ALDOC: variants seen among roughly 807,000 people sequenced by gnomAD.
ALDOC encodes the protein aldolase, fructose-bisphosphate C, also known as fructose-bisphosphate aldolase C.
In ALDOC, 23 loss-of-function variants were observed where a neutral mutation model predicts 39.5. That is an observed-to-expected ratio of 0.58 (90% CI 0.42 to 0.82). The LOEUF (loss-of-function observed/expected upper bound fraction) is 0.82. Among genes scored for constraint, ALDOC ranks in the 40% least tolerant of loss-of-function variants. ALDOC has a pLI of 0.00. For synonymous variants in ALDOC, 160 were observed against 182.6 expected (o/e 0.88, Z 1.00); for missense variants, 356 against 479.1 (o/e 0.74, Z 2.40).
At chr17:28,576,249 G>A (rs1193783890) in intron 1 of ALDOC, 3 of 152,764 alleles carry the variant, frequency 2.0e-5, no homozygotes, top group African/African-American at 4.8e-5. Flanking sequence ...TGACACCTCC[G>A]GGTCATCTCT....
chr17:28,574,359 C>T (rs1263418797), intron 6 of ALDOC, 118 bp from the exon 7 acceptor site: 1 of 1,428,386 alleles, frequency 7.0e-7, no homozygotes, highest in Middle Eastern at 2.1e-4. Flanking sequence ...AGGCTCAGAT[C>T]ACAGGCCTGT....
At position 28,575,477 on chromosome 17, in the gene ALDOC, A is replaced by G. The variant is rs754643217; in HGVS notation, c.56T>C (p.Ile19Thr). ...SAEQKKELSDIALRIVAPGKG... is the reference protein window; with the variant it reads ...SAEQKKELSDTALRIVAPGKG... ...GCCCGGGGCTACAATCCGCAGGGCA[A>G]TGTCAGACAACTCCTTCTTCTGCTC... Residue 19 changes from isoleucine to threonine, a missense_variant, in exon 2 of 9, where the codon ATT becomes ACT. Ile to Thr is a moderately conservative substitution (Grantham distance 89). Transcript: ENST00000226253. This position sits in a 1 kb window ranked among gnomAD's most constrained non-coding sequence, Gnocchi z 4.3. 2 of 1,614,120 alleles carry G rather than the reference A, an allele frequency of 1.2e-6. No homozygotes were observed. Among genetic ancestry groups the G allele is most frequent in the East Asian group, 2.2e-5 (1 of 44,900 alleles).
Position 28,575,507 on chromosome 17 carries a change from G to A in ALDOC, c.26C>T (p.Ser9Phe). The change falls in exon 2 of 9, where the codon TCT becomes TTT. Residue 9 changes from serine (S) to phenylalanine (F), a missense_variant. By Grantham distance (155) the Ser-to-Phe change is radical. Transcript: ENST00000226253. This position sits in a 1 kb window ranked among gnomAD's most constrained non-coding sequence, Gnocchi z 4.3. MPHSYPALSAEQKKELSDI... is the reference protein window; with the variant it reads MPHSYPALFAEQKKELSDI... ...AGACAACTCCTTCTTCTGCTCAGCA[G>A]AAAGGGCTGGGTACGAGTGAGGCAT... 6.2e-7 allele frequency: 1 copy of A among 1,614,198 alleles called. No individual in the cohort carries two copies. The highest frequency in any genetic ancestry group is 1.1e-5 in the South Asian group (1 of 91,086).
In ALDOC at chr17:28,574,741, C is replaced by G. The variant is rs1158852750; in HGVS notation, c.495G>C (p.Leu165=). The change falls in exon 5 of 9, where the codon CTG becomes CTC. Residue 165 remains leucine, a synonymous_variant. Transcript: ENST00000226253. ...SERTPSALAI[L]ENANVLARYA... ...AACGGGCCAGCACGTTGGCGTTCTC[C>G]AGAATGGCAAGTGCAGAGGGTGTAC... 6.2e-6 allele frequency: 10 copies of G among 1,614,210 alleles called. No homozygotes were observed. The highest frequency in any genetic ancestry group is 8.5e-6 in the Non-Finnish European group (10 of 1,180,028).
chr17:28,575,136 A>T lies in ALDOC; in HGVS notation c.311T>A (p.Val104Asp). 1 of 1,614,146 alleles carries T rather than the reference A, an allele frequency of 6.2e-7. No individual in the cohort carries two copies. Among genetic ancestry groups the T allele is most frequent in the African/African-American group, 1.3e-5 (1 of 75,030 alleles). ...FVRTIQDKGI[V>D]VGIKVDKGVV... ...CAGGGGCTGCACCTTGATGCCCACG[A>T]CGATGCCCTTATCCTGGATGGTTCG... The change falls in exon 3 of 9, where the codon GTC becomes GAC. Residue 104 changes from valine to aspartate, a missense_variant. Physicochemically the swap from Val to Asp is radical, Grantham distance 152. Transcript: ENST00000226253. The surrounding 1 kb of genome is among the most constrained non-coding windows in gnomAD (Gnocchi z 4.3).
In ALDOC at chr17:28,575,798, G is replaced by T; in HGVS notation, c.-12-254C>A. 1 of 598,104 alleles carries T rather than the reference G, an allele frequency of 1.7e-6. No homozygotes were observed. Among genetic ancestry groups the T allele is most frequent in the Non-Finnish European group, 2.7e-6 (1 of 371,250 alleles). The allele number at this position is 598,104 out of a possible 1,614,324, so 37.0% of individuals were successfully genotyped here. On this transcript the variant is annotated intron_variant, in intron 1 of 8. Transcript: ENST00000226253. The surrounding 1 kb of genome is among the most constrained non-coding windows in gnomAD (Gnocchi z 4.3). ...AAAGATGCAGGGTGGGGGTGGGGAG[G>T]TGAGCAGCCCTGAAGCCACAGCTCT... is the stretch of plus-strand genomic sequence containing the variant.
chr17:28,573,429 G>T lies in ALDOC; in HGVS notation c.*97C>A. 9.4e-7 allele frequency: 1 copy of T among 1,064,036 alleles called. No homozygotes were observed. 65.9% of individuals were successfully genotyped at this position (1,064,036 alleles called of 1,614,324 possible). A position where few individuals can be genotyped will look rare whatever the true frequency, so the allele number is the denominator to read the frequency against. On this transcript the variant is annotated 3_prime_UTR_variant, in exon 9 of 9. Coordinates refer to ENST00000226253, the MANE Select transcript of ALDOC (RefSeq NM_005165.3). The surrounding 1 kb of genome is among the most constrained non-coding windows in gnomAD (Gnocchi z 4.3). ...GAAGACAAGTTGGTGCCAGGTGAAG[G>T]CATCTCTGCTCTGCATAGCTATTTG... is the stretch of plus-strand genomic sequence containing the variant.
chr17:28,573,737 C>T lies in ALDOC; in HGVS notation c.997G>A (p.Glu333Lys), dbSNP rs1285415138. Reference sequence around the variant, plus strand: ...CACCACCACCTGTAGCTCCCAACCTCAGCCCGCTTGATGAACTCCTCAGTG... The same window carrying T: ...CACCACCACCTGTAGCTCCCAACCTTAGCCCGCTTGATGAACTCCTCAGTG... Reference protein sequence around the residue: ...AATEEFIKRAEVNGLAAQGKY... With the variant: ...AATEEFIKRAKVNGLAAQGKY... The change falls in exon 8 of 9, where the codon GAG becomes AAG. Residue 333 changes from glutamate (E) to lysine (K), a missense_variant and splice_region_variant. Coordinates refer to ENST00000226253, the MANE Select transcript of ALDOC (RefSeq NM_005165.3). This position sits in a 1 kb window ranked among gnomAD's most constrained non-coding sequence, Gnocchi z 4.3. 1.9e-6 allele frequency: 3 copies of T among 1,614,074 alleles called. No individual in the cohort carries two copies. The African/African-American group carries it at 4.0e-5, about 22-fold the overall frequency.
In ALDOC at chr17:28,575,644, C is replaced by G. The variant is rs549112871; in HGVS notation, c.-12-100G>C. The G allele has an allele frequency of 4.2e-6, 6 of 1,416,046 alleles. No homozygotes were observed. The African/African-American group carries it at 8.6e-5, about 20-fold the overall frequency. 87.7% of individuals were successfully genotyped at this position (1,416,046 alleles called of 1,614,324 possible). ...TCCCCATCAAGCAAGGGGCTGGGAACAGGGCAGCAGTCCTTGGCATGAGTC... is the reference window on the plus strand; with the variant it reads ...TCCCCATCAAGCAAGGGGCTGGGAAGAGGGCAGCAGTCCTTGGCATGAGTC... On this transcript the variant is annotated intron_variant, in intron 1 of 8. Coordinates refer to ENST00000226253, the MANE Select transcript of ALDOC (RefSeq NM_005165.3). This position sits in a 1 kb window ranked among gnomAD's most constrained non-coding sequence, Gnocchi z 4.3.
At chr17:28,576,187 G>A (rs1383909820) in intron 1 of ALDOC, 3 of 167,060 alleles carry the variant, frequency 1.8e-5, no homozygotes, top group Non-Finnish European at 3.7e-5. Context: ...CAGTGATGTA[G>A]GAAAGAGGGC....
chr17:28,573,710 C>T lies in ALDOC; in HGVS notation c.999+25G>A. On this transcript the variant is annotated intron_variant, in intron 8 of 8. Coordinates refer to ENST00000226253, the MANE Select transcript of ALDOC (RefSeq NM_005165.3). The surrounding 1 kb of genome is among the most constrained non-coding windows in gnomAD (Gnocchi z 4.3). ...CTATAGCCTCTGGGTGCTGCCCCCACCCACCACCACCTGTAGCTCCCAACC... is the reference window on the plus strand; with the variant it reads ...CTATAGCCTCTGGGTGCTGCCCCCATCCACCACCACCTGTAGCTCCCAACC... 6.2e-7 allele frequency: 1 copy of T among 1,613,996 alleles called. No homozygotes were observed. Among genetic ancestry groups the T allele is most frequent in the Non-Finnish European group, 8.5e-7 (1 of 1,179,984 alleles).
rs201385668 is a variant in ALDOC, at chr17:28,574,730, T to C, written c.506A>G (p.Asn169Ser). The C allele has an allele frequency of 3.1e-5, 50 of 1,614,224 alleles. No homozygotes were observed. Among genetic ancestry groups the C allele is most frequent in the Admixed American group, 8.3e-5 (5 of 60,030 alleles). ...GATACTGGCATAACGGGCCAGCACGTTGGCGTTCTCCAGAATGGCAAGTGC... is the reference window on the plus strand; with the variant it reads ...GATACTGGCATAACGGGCCAGCACGCTGGCGTTCTCCAGAATGGCAAGTGC... The part of the protein sequence containing the change: ...PSALAILENA[N>S]VLARYASICQ... The change falls in exon 5 of 9, where the codon AAC (asparagine) becomes AGC (serine). Residue 169 changes from asparagine (N) to serine (S), a missense_variant. By Grantham distance (46) the Asn-to-Ser change is conservative (BLOSUM62 1). Transcript: ENST00000226253.
At position 28,573,651 on chromosome 17, in the gene ALDOC, T is replaced by C; in HGVS notation, c.1000-30A>G. ...AAAAGGGAGCGTGGAGTAAGCAGGC[T>C]GAGCCAGCCCACAGGTGCCAAGCCC... On this transcript the variant is annotated intron_variant, in intron 8 of 8. Transcript: ENST00000226253. This position sits in a 1 kb window ranked among gnomAD's most constrained non-coding sequence, Gnocchi z 4.3. The C allele has an allele frequency of 6.2e-7, 1 of 1,614,018 alleles. No homozygotes were observed. The highest frequency in any genetic ancestry group is 8.5e-7 in the Non-Finnish European group (1 of 1,179,900).
At position 28,574,650 on chromosome 17, in the gene ALDOC, C is replaced by A. The variant is rs368999434; in HGVS notation, c.540+46G>T. On this transcript the variant is annotated intron_variant, in intron 5 of 8. Coordinates refer to ENST00000226253, the MANE Select transcript of ALDOC (RefSeq NM_005165.3). The stretch of plus-strand genomic sequence containing the variant: ...AGAAAGCCTTGTGACTCTCTCCCCA[C>A]CAGGCATACAGGGCACCTAGCTCAC... The A allele has an allele frequency of 2.8e-5, 45 of 1,613,754 alleles. No individual in the cohort carries two copies. In the African/African-American group the frequency reaches 6.0e-4, roughly 22 times the overall value.
intron 5 of ALDOC, 28 bp from the exon 6 acceptor site, chr17:28,574,605 A>C: frequency 6.2e-7 from 1 of 1,613,908 alleles, no homozygotes; most frequent in African/African-American, 1.3e-5. Flanking sequence ...GATGCTTGGG[A>C]GGGGCAGTAG....
rs773675898 is a variant in ALDOC, at chr17:28,574,597, T to C, written c.541-20A>G. On this transcript the variant is annotated intron_variant, in intron 5 of 8. Coordinates refer to ENST00000226253, the MANE Select transcript of ALDOC (RefSeq NM_005165.3). ...GCCATTCTGCAGGCAAGAGCAGAGA[T>C]GCTTGGGAGGGGCAGTAGGGGAGAT... is the stretch of plus-strand genomic sequence containing the variant. 1.2e-6 allele frequency: 2 copies of C among 1,613,886 alleles called. No homozygotes were observed. Among genetic ancestry groups the C allele is most frequent in the East Asian group, 2.2e-5 (1 of 44,900 alleles).
chr17:28,574,130 G>T lies in ALDOC; in HGVS notation c.736C>A (p.Pro246Thr). The T allele has an allele frequency of 6.2e-7, 1 of 1,611,036 alleles. No individual in the cohort carries two copies. The highest frequency in any genetic ancestry group is 8.5e-7 in the Non-Finnish European group (1 of 1,178,424). Residue 246 changes from proline (P) to threonine (T), a missense_variant, in exon 7 of 9, where the codon CCA (proline) becomes ACA (threonine). Pro to Thr is a conservative substitution (Grantham distance 38). Coordinates refer to ENST00000226253, the MANE Select transcript of ALDOC (RefSeq NM_005165.3). ...PGHACPIKYTPEEIAMATVTA... is the reference protein window; with the variant it reads ...PGHACPIKYTTEEIAMATVTA... The stretch of plus-strand genomic sequence containing the variant: ...ACAGTTGCCATGGCAATCTCCTCTG[G>T]GGTATACTTGATGGGACAGGCATGG...
Position 28,573,526 on chromosome 17 carries a change from T to C in ALDOC, c.1095A>G (p.Ter365TrpextTer26), listed in dbSNP as rs780234569. The C allele has an allele frequency of 1.9e-6, 3 of 1,614,022 alleles. No individual in the cohort carries two copies. Among genetic ancestry groups the C allele is most frequent in the Non-Finnish European group, 2.5e-6 (3 of 1,179,896 alleles). The stretch of plus-strand genomic sequence containing the variant: ...AAGGGCTGTGGTATGGAGTGGATAC[T>C]CAGTAGGCATGGTTGGCAATGTAGA... ...QSLYIANHAY[*>W] is the part of the protein sequence containing the mutation. Residue 365 changes from the stop codon to tryptophan (W), a stop_lost, in exon 9 of 9, where the codon TGA becomes TGG. Coordinates refer to ENST00000226253, the MANE Select transcript of ALDOC (RefSeq NM_005165.3). The surrounding 1 kb of genome is among the most constrained non-coding windows in gnomAD (Gnocchi z 4.3).
intron 6 of ALDOC, 30 bp downstream of exon 6, chr17:28,574,464 G>C (rs752224278): frequency 6.2e-7 from 1 of 1,607,724 alleles, no homozygotes; most frequent in African/African-American, 1.3e-5. Flanking sequence ...TGTCCCTGCA[G>C]TATGTTTGTG....
Sources: allele counts gnomAD v4.1 joint callset, GRCh38; gene constraint gnomAD v4.1.1; non-coding constraint Gnocchi (gnomAD v3.1); transcripts MANE v1.5; gene names NCBI Gene and HGNC (gene_info 2026-07-23, HGNC 2026-07-21).